SALL4: variants seen among roughly 807,000 people sequenced by gnomAD.
SALL4 encodes the protein spalt like transcription factor 4.
In SALL4, 4 loss-of-function variants were observed where a neutral mutation model predicts 60.8. That is an observed-to-expected ratio of 0.07 (90% CI 0.03 to 0.15). The LOEUF is 0.15. SALL4 is among the 10% of genes least tolerant of loss of function. The probability of loss-of-function intolerance (pLI) is 1.00; values close to 1 mark genes in which losing one functional copy is unlikely to be tolerated. For missense variants in SALL4, 1,178 were observed against 1,394.7 expected, an observed-to-expected ratio of 0.84 and a Z score of 2.48; for synonymous variants, 580 against 574.9, an observed-to-expected ratio of 1.01 and a Z score of -0.13.
chr20:51,787,230 T>C (rs1012433907), intron 3 of SALL4, among the ~76,000 whole-genome samples: 1 of 152,042 alleles, frequency 6.6e-6, no homozygotes, highest in African/African-American at 2.4e-5. Context: ...GAGATCAGCG[T>C]GGCCAACATC....
rs772137683 is a variant in SALL4, at chr20:51,790,320, C to T, written c.2163G>A (p.Thr721=). The stretch of plus-strand genomic sequence containing the variant: ...AGGAAGCCATCATGGCAAACCCTAG[C>T]GTGGGTGATGCCGAGTGGATGCTGG... ...PLPSIHSASP[T]LGFAMMASLD... Residue 721 remains threonine, a synonymous_variant, in exon 2 of 4, where the codon ACG becomes ACA. Coordinates refer to ENST00000217086, the MANE Select transcript of SALL4 (RefSeq NM_020436.5). The surrounding 1 kb of genome is among the most constrained non-coding windows in gnomAD (Gnocchi z 5.5). 2.5e-5 allele frequency: 40 copies of T among 1,614,150 alleles called. No homozygotes were observed. Among genetic ancestry groups the T allele is most frequent in the Non-Finnish European group, 3.1e-5 (37 of 1,180,032 alleles).
At position 51,784,441 on chromosome 20, in the gene SALL4, G is replaced by A. The variant is rs1468774027; in HGVS notation, c.2986C>T (p.Pro996Ser). ...GCCCCCAAGGAAACCGGGAGGGTAGGAACCCCCCCACTCTGGATCACAGAG... is the reference window on the plus strand; with the variant it reads ...GCCCCCAAGGAAACCGGGAGGGTAGAAACCCCCCCACTCTGGATCACAGAG... Reference protein sequence around the residue: ...EISVIQSGGVPTLPVSLGATS... With the variant: ...EISVIQSGGVSTLPVSLGATS... The change falls in exon 4 of 4, where the codon CCT (proline) becomes TCT (serine). Residue 996 changes from proline to serine, a missense_variant. Physicochemically the swap from Pro to Ser is moderately conservative, Grantham distance 74. Transcript: ENST00000217086. 3.1e-6 allele frequency: 5 copies of A among 1,614,064 alleles called. No homozygotes were observed. Among genetic ancestry groups the A allele is most frequent in the African/African-American group, 2.7e-5 (2 of 74,924 alleles).
intron 1 of SALL4, chr20:51,793,215 G>C (rs188717937): frequency 6.5e-6 from 1 of 154,206 alleles, no homozygotes; most frequent in Non-Finnish European, 1.4e-5. Context: ...ATGTACAAAT[G>C]TGGCTGGGTG....
Position 51,792,134 on chromosome 20 carries a change from CGGA to C in SALL4, c.346_348del (p.Ser116del). On this transcript the variant is annotated inframe_deletion, in exon 2 of 4. Transcript: ENST00000217086. ...GTGGGCTGGTGGCTCAGTACAGCTC[CGGA>C]GAAGTCTTCTGAAGGCACAGGCCCC... 1 of 1,614,186 alleles carries C rather than the reference CGGA, an allele frequency of 6.2e-7. No homozygotes were observed. The highest frequency in any genetic ancestry group is 8.5e-7 in the Non-Finnish European group (1 of 1,180,038).
In SALL4 at chr20:51,791,529, A is replaced by G; in HGVS notation, c.954T>C (p.Asp318=). The change falls in exon 2 of 4, where the codon GAT becomes GAC. Residue 318 remains aspartate, a synonymous_variant. Transcript: ENST00000217086. This position sits in a 1 kb window ranked among gnomAD's most constrained non-coding sequence, Gnocchi z 4.6. The part of the protein sequence containing the change: ...PGLAPFTLKP[D]GTRVLPNVMS... Reference sequence around the variant, plus strand: ...TGACGTTCGGGAGCACCCGGGTCCCATCCGGCTTCAGAGTGAAGGGTGCCA... The same window carrying G: ...TGACGTTCGGGAGCACCCGGGTCCCGTCCGGCTTCAGAGTGAAGGGTGCCA... 1 of 1,613,986 alleles carries G rather than the reference A, an allele frequency of 6.2e-7. No homozygotes were observed. The highest frequency in any genetic ancestry group is 1.3e-5 in the African/African-American group (1 of 75,080).
chr20:51,790,682 G>C lies in SALL4; in HGVS notation c.1801C>G (p.Arg601Gly). The change falls in exon 2 of 4, where the codon CGA becomes GGA. Residue 601 changes from arginine (R) to glycine (G), a missense_variant. By Grantham distance (125) the Arg-to-Gly change is moderately radical. This residue lies in a region of SALL4 where 853 missense variants were observed against 1,036.8 expected (regional missense o/e 0.82). Transcript: ENST00000217086. The surrounding 1 kb of genome is among the most constrained non-coding windows in gnomAD (Gnocchi z 5.5). Reference sequence around the variant, plus strand: ...AGGTTACCTTTGGTAGAAAAGGCTCGGCCACAGATCTTACACTGGAACGGT... The same window carrying C: ...AGGTTACCTTTGGTAGAAAAGGCTCCGCCACAGATCTTACACTGGAACGGT... ...ERPFQCKICG[R>G]AFSTKGNLKT... is the part of the protein sequence containing the mutation. 1 of 1,614,120 alleles carries C rather than the reference G, an allele frequency of 6.2e-7. No individual in the cohort carries two copies. The highest frequency in any genetic ancestry group is 8.5e-7 in the Non-Finnish European group (1 of 1,180,010).
intron 1 of SALL4, 44 bp downstream of exon 1, chr20:51,802,235 C>T (rs985051367): frequency 1.3e-6 from 2 of 1,553,184 alleles, no homozygotes; most frequent in Non-Finnish European, 1.7e-6. Context: ...CCGCGTACGT[C>T]CGGGAAGCTC....
At chr20:51,794,243 G>C (rs983387645) in intron 1 of SALL4, among the ~76,000 whole-genome samples, 1 of 152,204 alleles carries the variant, frequency 6.6e-6, no homozygotes, top group East Asian at 1.9e-4. Flanking sequence ...TTTTGTACCA[G>C]CAGATGCCCA....
In SALL4 at chr20:51,790,945, G is replaced by A; in HGVS notation, c.1538C>T (p.Pro513Leu). The change falls in exon 2 of 4, where the codon CCA (proline) becomes CTA (leucine). Residue 513 changes from proline (P) to leucine (L), a missense_variant. Coordinates refer to ENST00000217086, the MANE Select transcript of SALL4 (RefSeq NM_020436.5). The surrounding 1 kb of genome is among the most constrained non-coding windows in gnomAD (Gnocchi z 5.5). ...LPGDLQPGPS[P>L]ESEGGPTLPG... ...GAGTGTGGGTCCACCCTCACTTTCT[G>A]GAGAAGGCCCAGGCTGCAGGTCACC... 6.2e-7 allele frequency: 1 copy of A among 1,614,174 alleles called. No homozygotes were observed. Among genetic ancestry groups the A allele is most frequent in the Non-Finnish European group, 8.5e-7 (1 of 1,180,028 alleles).
rs960063751 is a variant in SALL4, at chr20:51,784,411, A to G, written c.3016T>C (p.Ser1006Pro). 1 of 1,614,134 alleles carries G rather than the reference A, an allele frequency of 6.2e-7. No homozygotes were observed. The highest frequency in any genetic ancestry group is 1.1e-5 in the South Asian group (1 of 91,080). ...PTLPVSLGAT[S>P]VVNNATVSKM... is the part of the protein sequence containing the mutation. ...GAGACAGTGGCGTTATTCACAACGG[A>G]GGTGGCCCCCAAGGAAACCGGGAGG... The change falls in exon 4 of 4, where the codon TCC becomes CCC. Residue 1006 changes from serine to proline, a missense_variant. Around this residue, in one of 5 missense-constraint regions of SALL4, gnomAD observed 174 missense variants for 169.6 expected, o/e 1.03. Coordinates refer to ENST00000217086, the MANE Select transcript of SALL4 (RefSeq NM_020436.5).
rs774822229 is a variant in SALL4 at position 51,790,438 on chromosome 20, A to C, written c.2045T>G (p.Ile682Ser). Residue 682 changes from isoleucine (I) to serine (S), a missense_variant, in exon 2 of 4, where the codon ATC (isoleucine) becomes AGC (serine). Transcript: ENST00000217086. This position sits in a 1 kb window ranked among gnomAD's most constrained non-coding sequence, Gnocchi z 5.5. ...GCTTTCGATGACATCATCATGGCAG[A>C]TAGCGCCGGTGCTGCCGTTCTCACC... is the stretch of plus-strand genomic sequence containing the variant. ...TVGENGSTGA[I>S]CHDDVIESID... The C allele has an allele frequency of 6.2e-7, 1 of 1,614,140 alleles. No homozygotes were observed. The highest frequency in any genetic ancestry group is 8.5e-7 in the Non-Finnish European group (1 of 1,180,036).
chr20:51,791,559 T>A lies in SALL4; in HGVS notation c.924A>T (p.Pro308=). The part of the protein sequence containing the change: ...NIPSATSSLS[P]GLAPFTLKPD... ...GCTTCAGAGTGAAGGGTGCCAGCCC[T>A]GGGGACAGGGAGCTGGTGGCAGAAG... Residue 308 remains proline (P), a synonymous_variant, in exon 2 of 4, where the codon CCA becomes CCT. Transcript: ENST00000217086. The surrounding 1 kb of genome is among the most constrained non-coding windows in gnomAD (Gnocchi z 4.6). The A allele has an allele frequency of 1.9e-6, 3 of 1,613,774 alleles. No individual in the cohort carries two copies. The highest frequency in any genetic ancestry group is 2.5e-6 in the Non-Finnish European group (3 of 1,180,022).
Position 51,791,457 on chromosome 20 carries a change from C to T in SALL4, c.1026G>A (p.Val342=), listed in dbSNP as rs1041032879. The change falls in exon 2 of 4, where the codon GTG becomes GTA. Residue 342 remains valine (V), a synonymous_variant. Coordinates refer to ENST00000217086, the MANE Select transcript of SALL4 (RefSeq NM_020436.5). The surrounding 1 kb of genome is among the most constrained non-coding windows in gnomAD (Gnocchi z 4.6). ...SALLPQAPGS[V]LFQSPFSTVA... is the part of the protein sequence containing the mutation. ...CAGTGGAGAAAGGGCTCTGGAAGAGCACCGAGCCCGGGGCCTGAGGAAGCA... is the reference window on the plus strand; with the variant it reads ...CAGTGGAGAAAGGGCTCTGGAAGAGTACCGAGCCCGGGGCCTGAGGAAGCA... The T allele has an allele frequency of 5.6e-6, 9 of 1,614,044 alleles. No homozygotes were observed. Among genetic ancestry groups the T allele is most frequent in the African/African-American group, 1.3e-5 (1 of 74,928 alleles).
At chr20:51,796,208 AAAAAAG>A (rs1318205018) in intron 1 of SALL4, among the ~76,000 whole-genome samples, 1 of 150,632 alleles carries the variant, frequency 6.6e-6, no homozygotes. Flanking sequence ...AAAAAAAAAA[AAAAAAG>A]AAAGAAAGAA....
At chr20:51,799,628 TTAAC>T (rs2078098404) in intron 1 of SALL4, among the ~76,000 whole-genome samples, 1 of 152,222 alleles carries the variant, frequency 6.6e-6, no homozygotes, top group Non-Finnish European at 1.5e-5. Flanking sequence ...ACCTGAAACG[TTAAC>T]TAACGTCAAA....
At position 51,801,917 on chromosome 20, in the gene SALL4, CAA is replaced by C. The variant is rs2078112308; in HGVS notation, c.130+360_130+361del. On this transcript the variant is annotated intron_variant, in intron 1 of 3. Transcript: ENST00000217086. The surrounding 1 kb of genome is among the most constrained non-coding windows in gnomAD (Gnocchi z 5.2). Reference sequence around the variant, plus strand: ...ACGCGAGGGAGGGGGACCTAAGTTACAAGGGGGGGGGGTAACACCAGTGAGGG... The same window carrying C: ...ACGCGAGGGAGGGGGACCTAAGTTACGGGGGGGGGGTAACACCAGTGAGGG... Among the ~76,000 whole-genome samples, 1 of 81,144 alleles carries C rather than the reference CAA, an allele frequency of 1.2e-5. No homozygotes were observed. Among genetic ancestry groups the C allele is most frequent in the East Asian group, 4.1e-4 (1 of 2,468 alleles). The allele number at this position is 81,144 out of a possible 152,430, so 53.2% of individuals were successfully genotyped here. A position where few individuals can be genotyped will look rare whatever the true frequency, so the allele number is the denominator to read the frequency against.
Position 51,791,630 on chromosome 20 carries a change from A to G in SALL4, c.853T>C (p.Ser285Pro), listed in dbSNP as rs2078043324. 1 of 1,613,846 alleles carries G rather than the reference A, an allele frequency of 6.2e-7. No homozygotes were observed. Among genetic ancestry groups the G allele is most frequent in the Admixed American group, 1.7e-5 (1 of 60,010 alleles). ...TTGGCTTGTTTCAAGGCATCCAGAG[A>G]CAGACCTTGGCTTCCAGCTTTCTGG... Reference protein sequence around the residue: ...LSQKAGSQGLSLDALKQAKLP... With the variant: ...LSQKAGSQGLPLDALKQAKLP... The change falls in exon 2 of 4, where the codon TCT (serine) becomes CCT (proline). Residue 285 changes from serine to proline, a missense_variant. By Grantham distance (74) the Ser-to-Pro change is moderately conservative (BLOSUM62 -1). This residue lies in a region of SALL4 where 853 missense variants were observed against 1,036.8 expected (regional missense o/e 0.82). Coordinates refer to ENST00000217086, the MANE Select transcript of SALL4 (RefSeq NM_020436.5). The surrounding 1 kb of genome is among the most constrained non-coding windows in gnomAD (Gnocchi z 4.6).
intron 3 of SALL4, 124 bp from the exon 4 acceptor site, chr20:51,784,808 C>T: frequency 8.8e-7 from 1 of 1,138,012 alleles, no homozygotes. Flanking sequence ...TGATCCTTGA[C>T]TTACAGCGGG....
rs1286440288 is a variant in SALL4 at position 51,790,740 on chromosome 20, G to A, written c.1743C>T (p.Leu581=). ...CHRVLSCQSS[L]KMHYRTHTGE... is the part of the protein sequence containing the mutation. Reference sequence around the variant, plus strand: ...CGGTGTGGGTGCGATAATGCATCTTGAGGGAGCTCTGACAGCTTAAGACTC... The same window carrying A: ...CGGTGTGGGTGCGATAATGCATCTTAAGGGAGCTCTGACAGCTTAAGACTC... Residue 581 remains leucine, a synonymous_variant, in exon 2 of 4, where the codon CTC becomes CTT. Coordinates refer to ENST00000217086, the MANE Select transcript of SALL4 (RefSeq NM_020436.5). This position sits in a 1 kb window ranked among gnomAD's most constrained non-coding sequence, Gnocchi z 5.5. The A allele has an allele frequency of 1.2e-6, 2 of 1,613,996 alleles. No homozygotes were observed. Among genetic ancestry groups the A allele is most frequent in the African/African-American group, 2.7e-5 (2 of 74,916 alleles).
Sources: gnomAD v4.1 joint callset for allele counts (sites outside exome capture counted in the v4.1 genomes callset) on GRCh38, gnomAD v4.1.1 for gene constraint, gnomAD v4.1.1 regional missense constraint, Gnocchi (gnomAD v3.1) non-coding constraint, MANE v1.5 for transcripts, NCBI Gene and HGNC (gene_info 2026-07-23, HGNC 2026-07-21) for gene names.